Variants in PTPRN2 observed in about 807,000 individuals in gnomAD.
PTPRN2 encodes protein tyrosine phosphatase receptor type N2, also known as receptor-type tyrosine-protein phosphatase N2.
In PTPRN2, 74 loss-of-function variants were observed where a neutral mutation model predicts 118.8. The observed-to-expected ratio is 0.62, with a 90% CI of 0.52 to 0.76. The LOEUF (loss-of-function observed/expected upper bound fraction) is 0.76, where lower values mean the gene tolerates loss of function less well. PTPRN2 is among the 30% of genes least tolerant of loss of function. The pLI, the probability that PTPRN2 is intolerant of heterozygous loss-of-function variation, is 0.00. For synonymous variants in PTPRN2, 641 were observed against 608.0 expected (o/e 1.05, Z -0.80); for missense variants, 1,481 against 1,394.4 (o/e 1.06, Z -0.99).
chr7:158,028,317 AG>A (rs1807427718), intron 11 of PTPRN2: 1 of 152,500 alleles, frequency 6.6e-6, no homozygotes, highest in Non-Finnish European at 1.5e-5. Context: ...GCAGGCATGG[AG>A]GAAGAGGCAG....
chr7:158,414,281 T>C (rs1410126718), intron 2 of PTPRN2, among the ~76,000 whole-genome samples: 1 of 151,932 alleles, frequency 6.6e-6, no homozygotes, highest in Non-Finnish European at 1.5e-5. Context: ...ACCATGAGGT[T>C]AAGACAAAGG....
Position 157,784,656 on chromosome 7 carries a change from ATGAAACGGGCAGGGGCTGGGCTGATCCCG to A in PTPRN2, c.1789-101748_1789-101720del. 8.1e-6 allele frequency among the ~76,000 whole-genome samples: 1 copy of A among 123,912 alleles called. No individual in the cohort carries two copies. Among genetic ancestry groups the A allele is most frequent in the Non-Finnish European group, 1.8e-5 (1 of 54,556 alleles). 81.3% of individuals were successfully genotyped at this position (123,912 alleles called of 152,430 possible). A position where few individuals can be genotyped will look rare whatever the true frequency, so the allele number is the denominator to read the frequency against. On this transcript the variant is annotated intron_variant, in intron 12 of 22. Transcript: ENST00000389418. This position sits in a 1 kb window ranked among gnomAD's most constrained non-coding sequence, Gnocchi z 4.6. ...CGGGCAGGGGCTGGGCTGATCCCGT[ATGAAACGGGCAGGGGCTGGGCTGATCCCG>A]TATGAAACGGGCAGGGGCTGAGCTG...
chr7:158,155,026 G>A (rs10278059), intron 6 of PTPRN2, among the ~76,000 whole-genome samples: 94,497 of 152,136 alleles, frequency 0.62, 30,376 homozygotes, highest in East Asian at 0.79. Context: ...AAAGTAAAAC[G>A]TTGTGTTCCA....
intron 22 of PTPRN2, 110 bp from the exon 23 acceptor site, chr7:157,540,895 C>T: frequency 1.2e-6 from 1 of 816,674 alleles, no homozygotes; most frequent in Non-Finnish European, 2.0e-6. Context: ...CCCAACGCAG[C>T]ATCAGCTCCC....
In PTPRN2 at chr7:157,621,476, G is replaced by A. The variant is rs752189428; in HGVS notation, c.2230C>T (p.Arg744Trp). ...YMEDHLKNKN[R>W]LEKEWEALCA... ...AGCGCTTCCCACTCCTTCTCCAGCC[G>A]GTTCTTGTTCTTCAGGTGGTCCTCC... is the stretch of plus-strand genomic sequence containing the variant. Residue 744 changes from arginine (R) to tryptophan (W), a missense_variant, in exon 15 of 23, where the codon CGG (arginine) becomes TGG (tryptophan). Arg to Trp is a moderately radical substitution (Grantham distance 101, BLOSUM62 -3). Around this residue, in one of 3 missense-constraint regions of PTPRN2, gnomAD observed 362 missense variants for 384.1 expected, o/e 0.94. Coordinates refer to ENST00000389418, the MANE Select transcript of PTPRN2 (RefSeq NM_002847.5). 1.4e-5 allele frequency: 22 copies of A among 1,613,694 alleles called. No individual in the cohort carries two copies. The highest frequency in any genetic ancestry group is 1.5e-5 in the Non-Finnish European group (18 of 1,180,046).
chr7:157,857,837 C>T (rs1339407356), intron 12 of PTPRN2: 1 of 152,726 alleles, frequency 6.5e-6, no homozygotes, highest in Non-Finnish European at 1.5e-5. Flanking sequence ...GTCCTGACCT[C>T]CATCCCGAGG....
At chr7:158,090,938 C>T (rs953545734) in intron 10 of PTPRN2, among the ~76,000 whole-genome samples, 8 of 152,172 alleles carry the variant, frequency 5.3e-5, no homozygotes, top group African/African-American at 1.7e-4. Context: ...ACTTTAACCA[C>T]AGGAAAGAAA....
chr7:158,172,778 G>A (rs979164021), intron 5 of PTPRN2, among the ~76,000 whole-genome samples: 1 of 133,036 alleles, frequency 7.5e-6, no homozygotes, highest in Non-Finnish European at 1.6e-5. Context: ...ATTCACAGCA[G>A]CATCCCACCA....
chr7:157,922,108 G>A (rs1372892136), intron 11 of PTPRN2, among the ~76,000 whole-genome samples: 2 of 152,208 alleles, frequency 1.3e-5, no homozygotes, highest in South Asian at 2.1e-4. Context: ...CTGGTTAGAT[G>A]TTCAAATACC....
intron 12 of PTPRN2, among the ~76,000 whole-genome samples, chr7:157,835,500 GA>G (rs1807872379): frequency 6.6e-6 from 1 of 152,172 alleles, no homozygotes; most frequent in South Asian, 2.1e-4. Flanking sequence ...TAAAAGAGGG[GA>G]TATTAGAGAC....
At chr7:158,009,326 C>T (rs932114518) in intron 11 of PTPRN2, among the ~76,000 whole-genome samples, 3 of 152,144 alleles carry the variant, frequency 2.0e-5, no homozygotes, top group African/African-American at 4.8e-5. Context: ...ACCGTCACCA[C>T]TCAGCTAGGT....
intron 12 of PTPRN2, among the ~76,000 whole-genome samples, chr7:157,698,692 G>A (rs562225620): frequency 3.3e-5 from 5 of 152,278 alleles, no homozygotes; most frequent in Admixed American, 2.0e-4. Context: ...CTCCCTAGAG[G>A]TGAATCCGGT....
chr7:157,648,746 A>G (rs1230523881), intron 14 of PTPRN2, among the ~76,000 whole-genome samples: 1 of 145,426 alleles, frequency 6.9e-6, no homozygotes, highest in Non-Finnish European at 1.5e-5. Context: ...GGACCCATCC[A>G]GTGTGCACTG....
At chr7:158,280,240 G>A (rs74732449) in intron 3 of PTPRN2, among the ~76,000 whole-genome samples, 2,587 of 152,318 alleles carry the variant, frequency 0.017, 79 homozygotes, top group African/African-American at 0.059. Context: ...GGGCCCAATC[G>A]GAAAGCAGGT....
At chr7:158,125,130 C>A (rs919097865) in intron 9 of PTPRN2, among the ~76,000 whole-genome samples, 1 of 152,164 alleles carries the variant, frequency 6.6e-6, no homozygotes, top group Admixed American at 6.5e-5. Context: ...TCAGGCCCAA[C>A]CATGGCCACC....
chr7:158,463,653 ATCG>A (rs1262999499), intron 2 of PTPRN2, among the ~76,000 whole-genome samples: 3 of 151,854 alleles, frequency 2.0e-5, no homozygotes, highest in Non-Finnish European at 4.4e-5. Context: ...CATCACCATC[ATCG>A]TCATCACCAT....
In PTPRN2 at chr7:157,868,202, C is replaced by T. The variant is rs1473974309; in HGVS notation, c.1788+30471G>A. ...AGGGTTCCTTTCCCGATGGCTCCGA[C>T]AGCCCAGTGGTGCACCTACAACTGC... is the stretch of plus-strand genomic sequence containing the variant. On this transcript the variant is annotated intron_variant, in intron 12 of 22. Coordinates refer to ENST00000389418, the MANE Select transcript of PTPRN2 (RefSeq NM_002847.5). The surrounding 1 kb of genome is among the most constrained non-coding windows in gnomAD (Gnocchi z 5.2). Among the ~76,000 whole-genome samples the T allele has an allele frequency of 6.6e-6, 1 of 152,224 alleles. No individual in the cohort carries two copies. The highest frequency in any genetic ancestry group is 1.5e-5 in the Non-Finnish European group (1 of 68,042).
intron 3 of PTPRN2, among the ~76,000 whole-genome samples, chr7:158,273,788 CGGGG>C (rs1798716978): frequency 8.3e-5 from 7 of 84,474 alleles, no homozygotes; most frequent in Admixed American, 1.5e-4. Flanking sequence ...GCCGCAGACA[CGGGG>C]AGCCGCAGAC....
chr7:158,282,502 G>A (rs918136729), intron 3 of PTPRN2, among the ~76,000 whole-genome samples: 22 of 152,342 alleles, frequency 1.4e-4, no homozygotes, highest in South Asian at 2.1e-4. Flanking sequence ...GCAGAGCAGC[G>A]GGGTCGAGGC....
Sources: allele counts gnomAD v4.1 joint callset (sites outside exome capture counted in the v4.1 genomes callset), GRCh38; gene constraint gnomAD v4.1.1; regional missense constraint gnomAD v4.1.1; non-coding constraint Gnocchi (gnomAD v3.1); transcripts MANE v1.5; gene names NCBI Gene and HGNC (gene_info 2026-07-23, HGNC 2026-07-21).